Variants in PROC observed in about 807,000 individuals in gnomAD.
The protein encoded by PROC is protein C, inactivator of coagulation factors Va and VIIIa.
Under a neutral mutation model 36.3 loss-of-function variants are expected in PROC, and 22 were observed. The observed-to-expected ratio is 0.61, with a 90% confidence interval of 0.43 to 0.86. The LOEUF is 0.86. PROC is among the 40% of genes least tolerant of loss of function. PROC has a pLI of 0.00. For synonymous variants in PROC, 218 were observed against 244.5 expected (o/e 0.89, Z 1.01); for missense variants, 526 against 629.7 (o/e 0.84, Z 1.76).
intron 8 of PROC, among the ~76,000 whole-genome samples, chr2:127,427,993 C>T (rs2069931): frequency 0.34 from 51,996 of 152,036 alleles, 9,643 homozygotes; most frequent in East Asian, 0.58. Flanking sequence ...CTTTGCTCCA[C>T]GTTCCTTTGT....
intron 8 of PROC, 83 bp downstream of exon 8, chr2:127,427,305 C>T (rs758455371): frequency 2.2e-5 from 27 of 1,241,976 alleles, no homozygotes; most frequent in African/African-American, 7.4e-5. Context: ...TGGGGGACCC[C>T]GCTCCCCAGG....
In PROC at chr2:127,422,959, C is replaced by T. The variant is rs763358321; in HGVS notation, c.262+18C>T. The T allele has an allele frequency of 3.3e-5, 53 of 1,606,352 alleles. No homozygotes were observed. Among genetic ancestry groups the T allele is most frequent in the Non-Finnish European group, 4.2e-5 (50 of 1,177,338 alleles). On this transcript the variant is annotated intron_variant, in intron 4 of 8. Transcript: ENST00000234071. Reference sequence around the variant, plus strand: ...GCACGTCGGTGAGTGCGTTCTAGATCCCCGGCTGGACTACCGGCGCCCGCG... The same window carrying T: ...GCACGTCGGTGAGTGCGTTCTAGATTCCCGGCTGGACTACCGGCGCCCGCG...
At chr2:127,425,998 G>T in intron 6 of PROC, 87 bp from the exon 7 acceptor site, 2 of 1,543,998 alleles carry the variant, frequency 1.3e-6, no homozygotes, top group Non-Finnish European at 1.8e-6. Flanking sequence ...GTGGCAAAGT[G>T]GCCCACAGGC....
In PROC at chr2:127,429,127, CCT is replaced by C. The variant is rs1688724150; in HGVS notation, c.*182_*183del. Reference sequence around the variant, plus strand: ...ATGCCTTATGAATAGAATCTTAACTCCTAGAGCAACTCTGTGGGGTGGGGAGG... The same window carrying C: ...ATGCCTTATGAATAGAATCTTAACTCAGAGCAACTCTGTGGGGTGGGGAGG... On this transcript the variant is annotated 3_prime_UTR_variant, in exon 9 of 9. Transcript: ENST00000234071. The C allele has an allele frequency of 2.8e-6, 2 of 702,470 alleles. No individual in the cohort carries two copies. Among genetic ancestry groups the C allele is most frequent in the South Asian group, 3.7e-5 (2 of 54,270 alleles). 43.5% of individuals were successfully genotyped at this position (702,470 alleles called of 1,614,324 possible).
In PROC at chr2:127,422,992, G is replaced by T. The variant is rs747219636; in HGVS notation, c.263-42G>T. The stretch of plus-strand genomic sequence containing the variant: ...GGACTACCGGCGCCCGCGCCCCTCG[G>T]GATCTCTGGCCGCTGACCCCCTACC... On this transcript the variant is annotated intron_variant, in intron 4 of 8. Transcript: ENST00000234071. 2.5e-6 allele frequency: 4 copies of T among 1,612,436 alleles called. No homozygotes were observed. The Admixed American group carries it at 6.7e-5, about 27-fold the overall frequency.
chr2:127,427,379 C>T (rs1688580179), intron 8 of PROC, among the ~76,000 whole-genome samples, 157 bp downstream of exon 8: 1 of 151,630 alleles, frequency 6.6e-6, no homozygotes, highest in African/African-American at 2.4e-5. Flanking sequence ...CCTATGTGCC[C>T]CCACCCTGCC....
Position 127,426,595 on chromosome 2 carries a change from C to T in PROC, c.678+368C>T, listed in dbSNP as rs1449221110. ...CCTCCAGCCTCCACATGGGAACTGA[C>T]ACTTACTGGGTTCCCCTCTCTGCCA... On this transcript the variant is annotated intron_variant, in intron 7 of 8. Transcript: ENST00000234071. The surrounding 1 kb of genome is among the most constrained non-coding windows in gnomAD (Gnocchi z 7.0). 2.7e-6 allele frequency: 1 copy of T among 368,028 alleles called. No homozygotes were observed. The highest frequency in any genetic ancestry group is 2.1e-5 in the African/African-American group (1 of 47,804). The allele number at this position is 368,028 out of a possible 1,614,324, so 22.8% of individuals were successfully genotyped here. A position where few individuals can be genotyped will look rare whatever the true frequency, so the allele number is the denominator to read the frequency against.
chr2:127,419,718 C>A, intron 1 of PROC: 1 of 1,218,920 alleles, frequency 8.2e-7, no homozygotes, highest in Non-Finnish European at 1.1e-6. Context: ...GCTTTCTAGG[C>A]AGGCAGTGTG....
rs370813536 is a variant in PROC, at chr2:127,423,306, G to A, written c.433G>A (p.Gly145Ser). The A allele has an allele frequency of 1.3e-6, 2 of 1,549,998 alleles. No individual in the cohort carries two copies. The highest frequency in any genetic ancestry group is 1.4e-5 in the African/African-American group (1 of 73,116). ...VSFLNCSLDN[G>S]GCTHYCLEEV... ...CTTCCTCAATTGCTCGCTGGACAACGGCGGCTGCACGCATTACTGCCTAGA... is the reference window on the plus strand; with the variant it reads ...CTTCCTCAATTGCTCGCTGGACAACAGCGGCTGCACGCATTACTGCCTAGA... The change falls in exon 6 of 9, where the codon GGC (glycine) becomes AGC (serine). Residue 145 changes from glycine to serine, a missense_variant. Coordinates refer to ENST00000234071, the MANE Select transcript of PROC (RefSeq NM_000312.4).
At chr2:127,419,686 C>T (rs1046011027) in intron 1 of PROC, 1 of 901,490 alleles carries the variant, frequency 1.1e-6, no homozygotes, top group African/African-American at 1.7e-5. Flanking sequence ...TCCTGGCACC[C>T]TCTCCACTGC....
intron 6 of PROC, 103 bp downstream of exon 6, chr2:127,423,511 G>A: frequency 6.9e-7 from 1 of 1,439,426 alleles, no homozygotes; most frequent in Non-Finnish European, 9.2e-7. Context: ...TTTCTAGGGA[G>A]GGAGCGAGGA....
chr2:127,421,625 G>C (rs1485376647), intron 3 of PROC, among the ~76,000 whole-genome samples, 176 bp downstream of exon 3: 1 of 152,178 alleles, frequency 6.6e-6, no homozygotes, highest in Non-Finnish European at 1.5e-5. Context: ...GTGACTGCAA[G>C]AAACAGAATT....
intron 6 of PROC, among the ~76,000 whole-genome samples, chr2:127,425,401 T>C (rs1162047922): frequency 6.6e-6 from 1 of 152,236 alleles, no homozygotes; most frequent in Non-Finnish European, 1.5e-5. Flanking sequence ...CAAGGCCCAT[T>C]TTGAGCAGAG....
intron 3 of PROC, among the ~76,000 whole-genome samples, chr2:127,421,905 G>A (rs1454019300): frequency 2.0e-5 from 3 of 152,220 alleles, no homozygotes; most frequent in Admixed American, 2.0e-4. Context: ...TGTTCAGGGG[G>A]TCGGAAGACA....
At position 127,423,173 on chromosome 2, in the gene PROC, T is replaced by C. The variant is rs2104953327; in HGVS notation, c.400+2T>C. The C allele has an allele frequency of 1.3e-6, 2 of 1,566,092 alleles. No homozygotes were observed. Among genetic ancestry groups the C allele is most frequent in the Non-Finnish European group, 1.7e-6 (2 of 1,156,072 alleles). ...GGGAGGGCCGCTTCTGCCAGCGCGG[T>C]GAGGGGGAGAGGTGGATGCTGGCGG... On this transcript the variant is annotated splice_donor_variant, in intron 5 of 8. Coordinates refer to ENST00000234071, the MANE Select transcript of PROC (RefSeq NM_000312.4). LOFTEE classifies it high-confidence loss of function.
Position 127,426,153 on chromosome 2 carries a change from G to T in PROC, c.604G>T (p.Glu202Ter). Residue 202 changes from glutamate (E) to a stop codon, truncating the protein, a stop_gained, in exon 7 of 9, where the codon GAA becomes TAA. Coordinates refer to ENST00000234071, the MANE Select transcript of PROC (RefSeq NM_000312.4). LOFTEE classifies it high-confidence loss of function. This position sits in a 1 kb window ranked among gnomAD's most constrained non-coding sequence, Gnocchi z 7.0. ...KKRSHLKRDTEDQEDQVDPRL... is the reference protein window; with the variant it reads ...KKRSHLKRDT ...GCGCAGTCACCTGAAACGAGACACA[G>T]AAGACCAAGAAGACCAAGTAGATCC... 1 of 1,614,158 alleles carries T rather than the reference G, an allele frequency of 6.2e-7. No homozygotes were observed. Among genetic ancestry groups the T allele is most frequent in the Non-Finnish European group, 8.5e-7 (1 of 1,180,034 alleles).
rs766857965 is a variant in PROC, at chr2:127,426,076, C to T, written c.536-9C>T. 6 of 1,614,056 alleles carry T rather than the reference C, an allele frequency of 3.7e-6. No individual in the cohort carries two copies. Among genetic ancestry groups the T allele is most frequent in the Non-Finnish European group, 5.1e-6 (6 of 1,180,016 alleles). On this transcript the variant is annotated splice_polypyrimidine_tract_variant and intron_variant, in intron 6 of 8. Transcript: ENST00000234071. This position sits in a 1 kb window ranked among gnomAD's most constrained non-coding sequence, Gnocchi z 7.0. ...CTGGCAGGCCCCTCACCACCTCTGC[C>T]TACCTCAGTGAAGTTCCCTTGTGGG...
In PROC at chr2:127,426,185, C is replaced by T. The variant is rs1558716068; in HGVS notation, c.636C>T (p.Leu212=). Reference sequence around the variant, plus strand: ...AAGAAGACCAAGTAGATCCGCGGCTCATTGATGGGAAGATGACCAGGCGGG... The same window carrying T: ...AAGAAGACCAAGTAGATCCGCGGCTTATTGATGGGAAGATGACCAGGCGGG... The part of the protein sequence containing the change: ...EDQEDQVDPR[L]IDGKMTRRGD... Residue 212 remains leucine, a synonymous_variant, in exon 7 of 9, where the codon CTC becomes CTT. Transcript: ENST00000234071. This position sits in a 1 kb window ranked among gnomAD's most constrained non-coding sequence, Gnocchi z 7.0. 1.2e-6 allele frequency: 2 copies of T among 1,614,084 alleles called. No individual in the cohort carries two copies. Among genetic ancestry groups the T allele is most frequent in the South Asian group, 2.2e-5 (2 of 91,090 alleles).
Position 127,426,257 on chromosome 2 carries a change from C to A in PROC, c.678+30C>A. On this transcript the variant is annotated intron_variant, in intron 7 of 8. Coordinates refer to ENST00000234071, the MANE Select transcript of PROC (RefSeq NM_000312.4). The surrounding 1 kb of genome is among the most constrained non-coding windows in gnomAD (Gnocchi z 7.0). ...GAGGCGAGGCAGCACCGGCTGCTCA[C>A]GTGCTGGGTCCGGGATCACTGAGTC... The A allele has an allele frequency of 6.2e-7, 1 of 1,613,678 alleles. No homozygotes were observed. The highest frequency in any genetic ancestry group is 8.5e-7 in the Non-Finnish European group (1 of 1,179,948).
Sources: allele counts gnomAD v4.1 joint callset (sites outside exome capture counted in the v4.1 genomes callset), GRCh38; gene constraint gnomAD v4.1.1; non-coding constraint Gnocchi (gnomAD v3.1); transcripts MANE v1.5; gene names NCBI Gene and HGNC (gene_info 2026-07-23, HGNC 2026-07-21).